MTSS1: variants seen among roughly 807,000 people sequenced by gnomAD.
MTSS1 encodes the protein protein MTSS 1.
A neutral mutation model predicts 79.0 loss-of-function variants in MTSS1; 18 were observed. The ratio of observed to expected loss-of-function variants is 0.23; its 90% CI spans 0.16 to 0.34. The LOEUF is 0.34. Ranked by LOEUF, MTSS1 falls within the 10% of genes least tolerant of loss-of-function variation. MTSS1 has a pLI of 1.00. For missense variants in MTSS1, 815 were observed against 986.2 expected, an observed-to-expected ratio of 0.83 and a Z score of 2.33; for synonymous variants, 341 against 368.6, an observed-to-expected ratio of 0.93 and a Z score of 0.86.
At chr8:124,613,808 CT>C (rs1211349370) in intron 3 of MTSS1, among the ~76,000 whole-genome samples, 7 of 152,292 alleles carry the variant, frequency 4.6e-5, no homozygotes, top group African/African-American at 1.7e-4. Context: ...CCTTTCTTTC[CT>C]TTTGTTTTCC....
intron 1 of MTSS1, among the ~76,000 whole-genome samples, chr8:124,706,730 T>G (rs561701194): frequency 1.3e-5 from 2 of 152,370 alleles, no homozygotes; most frequent in African/African-American, 4.8e-5. Flanking sequence ...CCCTGGGGGT[T>G]ACTTCCACCC....
rs868217296 is a variant in MTSS1 at position 124,597,746 on chromosome 8, A to G, written c.209-6511T>C. On this transcript the variant is annotated intron_variant, in intron 3 of 13. Coordinates refer to ENST00000518547, the MANE Select transcript of MTSS1 (RefSeq NM_014751.6). The surrounding 1 kb of genome is among the most constrained non-coding windows in gnomAD (Gnocchi z 4.6). ...AGGGCTGAGGAAGCCAGACTGAAGAACTGCTTTGGTGAAAGTGTGCCGCCG... is the reference window on the plus strand; with the variant it reads ...AGGGCTGAGGAAGCCAGACTGAAGAGCTGCTTTGGTGAAAGTGTGCCGCCG... 2.6e-5 allele frequency among the ~76,000 whole-genome samples: 4 copies of G among 152,294 alleles called. No homozygotes were observed. Among genetic ancestry groups the G allele is most frequent in the Admixed American group, 6.5e-5 (1 of 15,304 alleles).
At chr8:124,569,902 C>T (rs1429765986) in intron 6 of MTSS1, among the ~76,000 whole-genome samples, 1 of 152,168 alleles carries the variant, frequency 6.6e-6, no homozygotes, top group Non-Finnish European at 1.5e-5. Context: ...TAACACTGAA[C>T]CTATTCTCTG....
intron 3 of MTSS1, among the ~76,000 whole-genome samples, chr8:124,606,788 A>G (rs554609044): frequency 1.3e-5 from 2 of 152,104 alleles, no homozygotes; most frequent in East Asian, 3.9e-4. Flanking sequence ...GCCGGTCTGC[A>G]TCCAAGGCCA....
At chr8:124,637,175 C>T (rs764695675) in intron 3 of MTSS1, among the ~76,000 whole-genome samples, 2 of 152,166 alleles carry the variant, frequency 1.3e-5, no homozygotes, top group Non-Finnish European at 2.9e-5. Flanking sequence ...CTGAAGCATC[C>T]GTGTTGGTTC....
At position 124,557,715 on chromosome 8, in the gene MTSS1, C is replaced by T; in HGVS notation, c.1196G>A (p.Gly399Asp). Residue 399 changes from glycine to aspartate, a missense_variant, in exon 11 of 14, where the codon GGC (glycine) becomes GAC (aspartate). By Grantham distance (94) the Gly-to-Asp change is moderately conservative. Transcript: ENST00000518547. Reference protein sequence around the residue: ...DYAHYYTIGPGMFPSSQIPSW... With the variant: ...DYAHYYTIGPDMFPSSQIPSW... ...AGGGATCTGAGATGACGGGAACATG[C>T]CGGGCCCAATGGTGTAATAATGAGC... 1.3e-6 allele frequency: 2 copies of T among 1,592,890 alleles called. No homozygotes were observed. The highest frequency in any genetic ancestry group is 1.7e-6 in the Non-Finnish European group (2 of 1,169,636).
chr8:124,652,352 G>C (rs1387096788), intron 3 of MTSS1, among the ~76,000 whole-genome samples: 1 of 151,856 alleles, frequency 6.6e-6, no homozygotes, highest in Non-Finnish European at 1.5e-5. Context: ...TTTTTGTAGA[G>C]ACAGGGTTTC....
chr8:124,688,410 T>G (rs533144348), intron 3 of MTSS1, among the ~76,000 whole-genome samples: 9 of 152,226 alleles, frequency 5.9e-5, no homozygotes, highest in African/African-American at 2.2e-4. Context: ...TGTATGTGTG[T>G]GTACGTATGT....
intron 3 of MTSS1, among the ~76,000 whole-genome samples, chr8:124,688,370 A>G (rs893664118): frequency 6.6e-6 from 1 of 151,346 alleles, no homozygotes; most frequent in African/African-American, 2.4e-5. Context: ...GTACGTGTGT[A>G]CATGTGTATG....
In MTSS1 at chr8:124,552,723, A is replaced by C; in HGVS notation, c.*269T>G. ...AAGACTTGTAAAAAAGTTAAATGGA[A>C]TTTGGCACCTTCAGAAAAATCAAAA... On this transcript the variant is annotated 3_prime_UTR_variant, in exon 14 of 14. Transcript: ENST00000518547. 1 of 404,000 alleles carries C rather than the reference A, an allele frequency of 2.5e-6. No homozygotes were observed. Among genetic ancestry groups the C allele is most frequent in the South Asian group, 5.4e-5 (1 of 18,466 alleles). The allele number at this position is 404,000 out of a possible 1,614,324, so 25.0% of individuals were successfully genotyped here.
At chr8:124,562,707 T>G in intron 10 of MTSS1, 75 bp downstream of exon 10, 1 of 1,428,336 alleles carries the variant, frequency 7.0e-7, no homozygotes. Context: ...CCAAGGTGCT[T>G]CTTTGGTTCT....
intron 6 of MTSS1, among the ~76,000 whole-genome samples, chr8:124,574,685 T>C (rs59751522): frequency 0.27 from 41,061 of 152,140 alleles, 6,103 homozygotes; most frequent in African/African-American, 0.37. Flanking sequence ...AACAAGCCAG[T>C]GGCTGTTCTC....
chr8:124,624,643 G>T (rs1023840200), intron 3 of MTSS1, among the ~76,000 whole-genome samples: 1 of 152,184 alleles, frequency 6.6e-6, no homozygotes, highest in Non-Finnish European at 1.5e-5. Flanking sequence ...AGTTTGGTTT[G>T]GCTGAGTCTC....
chr8:124,718,475 T>C lies in MTSS1; in HGVS notation c.72+9409A>G, dbSNP rs190197043. ...TCTGCTCCCCGCTCCCTGTTTCCTA[T>C]TGGGGTGCCTCATCCAATTATTCAG... is the stretch of plus-strand genomic sequence containing the variant. On this transcript the variant is annotated intron_variant, in intron 1 of 13. Coordinates refer to ENST00000518547, the MANE Select transcript of MTSS1 (RefSeq NM_014751.6). Among the ~76,000 whole-genome samples, 48 of 152,262 alleles carry C rather than the reference T, an allele frequency of 3.2e-4. No homozygotes were observed. In the East Asian group the frequency reaches 7.7e-3, roughly 24 times the overall value.
At chr8:124,601,388 A>G (rs927041214) in intron 3 of MTSS1, among the ~76,000 whole-genome samples, 1 of 152,132 alleles carries the variant, frequency 6.6e-6, no homozygotes, top group African/African-American at 2.4e-5. Context: ...TTTATATTTC[A>G]GAGCTCACAA....
chr8:124,564,869 C>T (rs11778063), intron 9 of MTSS1: 99,468 of 152,164 alleles, frequency 0.65, 32,577 homozygotes, highest in Middle Eastern at 0.69. Context: ...AACATCACCA[C>T]AGACAGATTG....
chr8:124,701,368 T>C (rs906459343), intron 2 of MTSS1, among the ~76,000 whole-genome samples: 3 of 152,152 alleles, frequency 2.0e-5, no homozygotes, highest in Non-Finnish European at 4.4e-5. Flanking sequence ...TAGGCAACAG[T>C]CCCTTACAGC....
At chr8:124,600,864 G>A (rs757435414) in intron 3 of MTSS1, among the ~76,000 whole-genome samples, 1 of 152,152 alleles carries the variant, frequency 6.6e-6, no homozygotes, top group African/African-American at 2.4e-5. Context: ...GGAAGGTTCT[G>A]TTTGTACTTA....
At chr8:124,638,748 C>T (rs1358712453) in intron 3 of MTSS1, among the ~76,000 whole-genome samples, 1 of 152,218 alleles carries the variant, frequency 6.6e-6, no homozygotes, top group Admixed American at 6.5e-5. Context: ...CATTTCCCAC[C>T]TCTTTGTCCA....
Sources: allele counts gnomAD v4.1 joint callset (sites outside exome capture counted in the v4.1 genomes callset), GRCh38; gene constraint gnomAD v4.1.1; non-coding constraint Gnocchi (gnomAD v3.1); transcripts MANE v1.5; gene names NCBI Gene and HGNC (gene_info 2026-07-23, HGNC 2026-07-21).